GIMAP8: variants seen among roughly 807,000 people sequenced by gnomAD.
The protein encoded by GIMAP8 is GTPase IMAP family member 8.
In GIMAP8, 29 loss-of-function variants were observed where a neutral mutation model predicts 35.6. The observed-to-expected ratio is 0.81, with a 90% CI of 0.61 to 1.11. The LOEUF (loss-of-function observed/expected upper bound fraction) is 1.11, where lower values mean the gene tolerates loss of function less well. Among genes scored for constraint, GIMAP8 ranks in the 50% most tolerant of loss-of-function variants. The pLI is 0.00. For synonymous variants in GIMAP8, 335 were observed against 308.7 expected (o/e 1.09, Z -0.89); for missense variants, 811 against 805.0 (o/e 1.01, Z -0.09).
Position 150,470,859 on chromosome 7 carries a change from G to A in GIMAP8, c.667G>A (p.Gly223Arg). Residue 223 changes from glycine to arginine, a missense_variant, in exon 3 of 5, where the codon GGA becomes AGA. Coordinates refer to ENST00000307271, the MANE Select transcript of GIMAP8 (RefSeq NM_175571.4). ...DCVNEAASQE[G>R]DKPQGPRERQ... ...TGTGAATGAAGCTGCATCTCAAGAG[G>A]GAGACAAGCCACAGGGTAAGTTGAT... 1.2e-6 allele frequency: 2 copies of A among 1,607,358 alleles called. No homozygotes were observed. Among genetic ancestry groups the A allele is most frequent in the Non-Finnish European group, 8.5e-7 (1 of 1,174,864 alleles).
Position 150,477,816 on chromosome 7 carries a change from C to A in GIMAP8, c.*36C>A. 1 of 1,545,888 alleles carries A rather than the reference C, an allele frequency of 6.5e-7. No homozygotes were observed. The highest frequency in any genetic ancestry group is 1.2e-5 in the South Asian group (1 of 85,390). On this transcript the variant is annotated 3_prime_UTR_variant, in exon 5 of 5. Coordinates refer to ENST00000307271, the MANE Select transcript of GIMAP8 (RefSeq NM_175571.4). ...TGCCTGGGGTCTCTTCAATTAGAGA[C>A]ACCCTCAGGTTGGGGGGAGGGGCGG... is the stretch of plus-strand genomic sequence containing the variant.
chr7:150,470,926 C>A, intron 3 of GIMAP8, 52 bp downstream of exon 3: 6 of 1,258,284 alleles, frequency 4.8e-6, no homozygotes, highest in Non-Finnish European at 7.0e-6. Context: ...CTTTTGAATG[C>A]ATTCTGCAGC....
intron 3 of GIMAP8, 130 bp from the exon 4 acceptor site, chr7:150,473,882 A>G: frequency 1.1e-6 from 1 of 901,398 alleles, no homozygotes; most frequent in East Asian, 2.4e-5. Context: ...GGCTGAGAGT[A>G]GAGTTCTACT....
Position 150,466,761 on chromosome 7 carries a change from G to A in GIMAP8, c.63G>A (p.Ser21=), listed in dbSNP as rs770460277. The A allele has an allele frequency of 1.2e-5, 20 of 1,614,068 alleles. No homozygotes were observed. The highest frequency in any genetic ancestry group is 1.1e-4 in the African/African-American group (8 of 74,932). The change falls in exon 2 of 5, where the codon TCG becomes TCA. Residue 21 remains serine (S), a synonymous_variant. Transcript: ENST00000307271. ...TCCTCCTCCTGGGAAAATGCCGCTC[G>A]GGAAAAAGTGCCACAGGAAATGCCA... ...LRLLLLGKCR[S]GKSATGNAIL...
intron 1 of GIMAP8, among the ~76,000 whole-genome samples, chr7:150,457,860 TC>T (rs965914501): frequency 2.6e-5 from 4 of 152,212 alleles, no homozygotes; most frequent in Non-Finnish European, 5.9e-5. Context: ...CCCAGCAAGC[TC>T]CACAGGCTCC....
intron 4 of GIMAP8, among the ~76,000 whole-genome samples, chr7:150,475,608 A>C (rs1202162939): frequency 6.6e-6 from 1 of 152,100 alleles, no homozygotes; most frequent in African/African-American, 2.4e-5. Context: ...CAGTTGACCT[A>C]TGCTGAGGTC....
intron 1 of GIMAP8, among the ~76,000 whole-genome samples, 155 bp from the exon 2 acceptor site, chr7:150,466,516 G>T (rs1801959660): frequency 6.6e-6 from 1 of 152,194 alleles, no homozygotes; most frequent in Admixed American, 6.5e-5. Flanking sequence ...TCCTGGGAAA[G>T]TGTTTCTTGT....
rs759897976 is a variant in GIMAP8, at chr7:150,467,207, A to G, written c.509A>G (p.Asn170Ser). Residue 170 changes from asparagine (N) to serine (S), a missense_variant, in exon 2 of 5, where the codon AAC (asparagine) becomes AGC (serine). Physicochemically the swap from Asn to Ser is conservative, Grantham distance 46. Coordinates refer to ENST00000307271, the MANE Select transcript of GIMAP8 (RefSeq NM_175571.4). ...DYEGRYCIFNNKTNSKDEQIT... is the reference protein window; with the variant it reads ...DYEGRYCIFNSKTNSKDEQIT... ...GAGGGCCGATACTGCATTTTCAACA[A>G]CAAGACCAATAGTAAGGATGAGCAG... is the stretch of plus-strand genomic sequence containing the variant. The G allele has an allele frequency of 1.2e-6, 2 of 1,614,230 alleles. No individual in the cohort carries two copies. Among genetic ancestry groups the G allele is most frequent in the South Asian group, 2.2e-5 (2 of 91,086 alleles).
chr7:150,453,805 C>CG (rs1458644440), intron 1 of GIMAP8, among the ~76,000 whole-genome samples: 3 of 118,800 alleles, frequency 2.5e-5, no homozygotes, highest in African/African-American at 6.6e-5. Flanking sequence ...GGGTACGGGG[C>CG]GGGGGGCACA....
chr7:150,477,032 T>A, intron 4 of GIMAP8, 60 bp from the exon 5 acceptor site: 2 of 1,384,450 alleles, frequency 1.4e-6, no homozygotes, highest in Non-Finnish European at 1.0e-6. Flanking sequence ...ATGGGATAAC[T>A]TTAAAATCCA....
rs984306862 is a variant in GIMAP8 at position 150,472,295 on chromosome 7, C to T, written c.682+1421C>T. 6.6e-6 allele frequency among the ~76,000 whole-genome samples: 1 copy of T among 152,116 alleles called. No individual in the cohort carries two copies. The highest frequency in any genetic ancestry group is 2.4e-5 in the African/African-American group (1 of 41,406). On this transcript the variant is annotated intron_variant, in intron 3 of 4. Coordinates refer to ENST00000307271, the MANE Select transcript of GIMAP8 (RefSeq NM_175571.4). This position sits in a 1 kb window ranked among gnomAD's most constrained non-coding sequence, Gnocchi z 4.1. ...TGCGCTTAGGAAGTGGGGGGTAGTT[C>T]CACAATGAAGTGTTTGAATAATTCT...
intron 1 of GIMAP8, among the ~76,000 whole-genome samples, chr7:150,457,751 C>T (rs547808991): frequency 6.6e-6 from 1 of 152,332 alleles, no homozygotes; most frequent in East Asian, 1.9e-4. Context: ...CAGCTGAAAA[C>T]ATTCGTGAAA....
intron 1 of GIMAP8, among the ~76,000 whole-genome samples, chr7:150,464,553 G>A (rs986380610): frequency 1.3e-5 from 2 of 152,098 alleles, no homozygotes; most frequent in African/African-American, 2.4e-5. Flanking sequence ...GCATGGTGGT[G>A]TGTGCCTGTA....
At chr7:150,471,701 G>T (rs1161026728) in intron 3 of GIMAP8, among the ~76,000 whole-genome samples, 1 of 152,062 alleles carries the variant, frequency 6.6e-6, no homozygotes, top group Non-Finnish European at 1.5e-5. Flanking sequence ...GCCAGGCATG[G>T]TAGTGCGTGC....
chr7:150,473,202 G>A (rs1367841981), intron 3 of GIMAP8, among the ~76,000 whole-genome samples: 2 of 152,116 alleles, frequency 1.3e-5, no homozygotes, highest in Non-Finnish European at 1.5e-5. Context: ...CATAGGTCTG[G>A]TGTTGATGCT....
chr7:150,470,497 C>A (rs374293050), intron 2 of GIMAP8, among the ~76,000 whole-genome samples: 1 of 151,926 alleles, frequency 6.6e-6, no homozygotes, highest in African/African-American at 2.4e-5. Flanking sequence ...GGGTGGGGAA[C>A]GGGATTCCAA....
Position 150,474,277 on chromosome 7 carries a change from T to C in GIMAP8, c.948T>C (p.Val316=). The part of the protein sequence containing the change: ...ISSLKNIDSE[V]RKHICTGPHA... ...CTTTAAAGAACATTGACTCAGAAGTTAGAAAACACATCTGTACAGGCCCCC... is the reference window on the plus strand; with the variant it reads ...CTTTAAAGAACATTGACTCAGAAGTCAGAAAACACATCTGTACAGGCCCCC... The change falls in exon 4 of 5, where the codon GTT becomes GTC. Residue 316 remains valine, a synonymous_variant. Coordinates refer to ENST00000307271, the MANE Select transcript of GIMAP8 (RefSeq NM_175571.4). 3.1e-6 allele frequency: 5 copies of C among 1,614,148 alleles called. No homozygotes were observed. Among genetic ancestry groups the C allele is most frequent in the Non-Finnish European group, 4.2e-6 (5 of 1,179,982 alleles).
Position 150,478,460 on chromosome 7 carries a change from A to G in GIMAP8, c.*680A>G, listed in dbSNP as rs1024427595. The G allele has an allele frequency of 2.6e-5, 4 of 152,276 alleles. No individual in the cohort carries two copies. Among genetic ancestry groups the G allele is most frequent in the African/African-American group, 7.2e-5 (3 of 41,460 alleles). 9.4% of individuals were successfully genotyped at this position (152,276 alleles called of 1,614,324 possible). A position where few individuals can be genotyped will look rare whatever the true frequency, so the allele number is the denominator to read the frequency against. ...GAGGTTCTGAATGATTTTATTGCTA[A>G]TTATCACAGTGACATAGACTAGAAC... On this transcript the variant is annotated 3_prime_UTR_variant, in exon 5 of 5. Transcript: ENST00000307271.
chr7:150,452,386 T>C (rs1303786554), intron 1 of GIMAP8, among the ~76,000 whole-genome samples: 3 of 151,494 alleles, frequency 2.0e-5, no homozygotes, highest in African/African-American at 7.3e-5. Context: ...CCAAGACTCA[T>C]TGGTTTGGTC....
Sources: gnomAD v4.1 joint callset for allele counts (sites outside exome capture counted in the v4.1 genomes callset) on GRCh38, gnomAD v4.1.1 for gene constraint, Gnocchi (gnomAD v3.1) non-coding constraint, MANE v1.5 for transcripts, NCBI Gene and HGNC (gene_info 2026-07-23, HGNC 2026-07-21) for gene names.